The following HADH variants were observed in gnomAD, a reference collection of about 807,000 sequenced individuals.
HADH encodes hydroxyacyl-coenzyme A dehydrogenase, mitochondrial.
HADH carries 24 observed loss-of-function variants against 32.2 expected under a neutral mutation model. The observed-to-expected ratio is 0.75, with a 90% CI of 0.54 to 1.05. The LOEUF is 1.05. Ranked by LOEUF, HADH falls within the 50% of genes least tolerant of loss-of-function variation. The pLI is 0.00. For synonymous variants in HADH, 139 were observed against 152.5 expected, an observed-to-expected ratio of 0.91 and a Z score of 0.65; for missense variants, 350 against 397.1, an observed-to-expected ratio of 0.88 and a Z score of 1.01.
chr4:108,014,349 C>A, intron 2 of HADH, 82 bp from the exon 3 acceptor site: 1 of 1,525,220 alleles, frequency 6.6e-7, no homozygotes, highest in Non-Finnish European at 9.1e-7. Context: ...ACCCAGTTTG[C>A]TAACTGGAGC....
At chr4:108,028,045 C>A (rs935432924) in intron 6 of HADH, 2 of 510,738 alleles carry the variant, frequency 3.9e-6, no homozygotes, top group Admixed American at 3.3e-5. Flanking sequence ...GATTGATATC[C>A]TGGATCTCTG....
At chr4:107,999,344 A>G (rs574792684) in intron 1 of HADH, among the ~76,000 whole-genome samples, 123 of 152,356 alleles carry the variant, frequency 8.1e-4, no homozygotes, top group African/African-American at 2.7e-3. Flanking sequence ...CAACTGCCCT[A>G]CATTTCCCCT....
chr4:108,003,489 C>G (rs1017815235), intron 1 of HADH, among the ~76,000 whole-genome samples: 1 of 152,138 alleles, frequency 6.6e-6, no homozygotes, highest in South Asian at 2.1e-4. Flanking sequence ...CCAGGAACTC[C>G]AACTATAGGC....
chr4:108,029,592 C>G (rs1256203729), intron 6 of HADH: 1 of 152,384 alleles, frequency 6.6e-6, no homozygotes, highest in Non-Finnish European at 1.5e-5. Context: ...CTGTACCCCA[C>G]TGTTGATACA....
intron 5 of HADH, chr4:108,025,389 C>T (rs961331365): frequency 6.6e-6 from 1 of 152,130 alleles, no homozygotes; most frequent in African/African-American, 2.4e-5. Context: ...TACTTAACCT[C>T]GCTGTGCCTC....
intron 1 of HADH, 70 bp downstream of exon 1, chr4:107,990,134 C>T: frequency 6.6e-7 from 1 of 1,512,756 alleles, no homozygotes; most frequent in Non-Finnish European, 8.9e-7. Flanking sequence ...TCTGGCGCGA[C>T]CGGCCGCGAG....
intron 6 of HADH, 194 bp from the exon 7 acceptor site, chr4:108,032,981 CA>C: frequency 4.4e-5 from 26 of 592,224 alleles, no homozygotes; most frequent in Admixed American, 5.4e-5. Context: ...GACTCTGTCT[CA>C]AAAAAAACAA....
In HADH at chr4:108,034,435, C is replaced by G; in HGVS notation, c.*78C>G. 2.4e-6 allele frequency: 2 copies of G among 825,164 alleles called. No homozygotes were observed. Among genetic ancestry groups the G allele is most frequent in the Non-Finnish European group, 4.3e-6 (2 of 460,442 alleles). 51.1% of individuals were successfully genotyped at this position (825,164 alleles called of 1,614,324 possible). ...TGCCCCGAGTGCCTGTGGGAATGCT[C>G]TTTGGTCAGACATTCCCTCACACAG... On this transcript the variant is annotated 3_prime_UTR_variant, in exon 8 of 8. Coordinates refer to ENST00000309522, the MANE Select transcript of HADH (RefSeq NM_005327.7).
intron 1 of HADH, chr4:108,004,664 G>C: frequency 6.6e-7 from 1 of 1,519,942 alleles, no homozygotes. Flanking sequence ...TCTGTCATAG[G>C]AAAGAGGTTG....
At chr4:108,031,450 G>T (rs1214392363) in intron 6 of HADH, 2 of 152,280 alleles carry the variant, frequency 1.3e-5, no homozygotes, top group East Asian at 3.9e-4. Flanking sequence ...CACAGAAGCT[G>T]CGGGGCTTCC....
chr4:108,014,951 C>T (rs1317432765), intron 3 of HADH, among the ~76,000 whole-genome samples: 1 of 152,162 alleles, frequency 6.6e-6, no homozygotes, highest in Non-Finnish European at 1.5e-5. Context: ...CATGTTGCTT[C>T]AAAAGACATG....
chr4:108,004,991 G>C (rs969295688), intron 1 of HADH: 2 of 1,103,734 alleles, frequency 1.8e-6, no homozygotes, highest in Admixed American at 2.1e-5. Flanking sequence ...TGATAATACT[G>C]TATTCAGTTT....
In HADH at chr4:108,033,271, A is replaced by G. The variant is rs1736341112; in HGVS notation, c.805A>G (p.Thr269Ala). The G allele has an allele frequency of 3.2e-6, 5 of 1,575,602 alleles. No individual in the cohort carries two copies. The highest frequency in any genetic ancestry group is 4.4e-6 in the Non-Finnish European group (5 of 1,145,028). The change falls in exon 7 of 8, where the codon ACT becomes GCT. Residue 269 changes from threonine to alanine, a missense_variant. Coordinates refer to ENST00000309522, the MANE Select transcript of HADH (RefSeq NM_005327.7). ...FELLDYVGLD[T>A]TKFIVDGWHE... ...GCTTCTAGATTATGTCGGACTGGAT[A>G]CTACGAAGTTCATCGTGGATGGTAG...
chr4:107,995,464 C>A, intron 1 of HADH, among the ~76,000 whole-genome samples: 1 of 152,170 alleles, frequency 6.6e-6, no homozygotes. Context: ...CTTAGATTGT[C>A]TTCACTGTCG....
chr4:108,008,340 G>A (rs1560727648), intron 1 of HADH, among the ~76,000 whole-genome samples: 2 of 152,124 alleles, frequency 1.3e-5, no homozygotes, highest in Admixed American at 6.5e-5. Flanking sequence ...GTTCCCAGAC[G>A]GTGCTGATGC....
At chr4:108,027,944 C>T (rs1474538792) in intron 6 of HADH, 184 bp downstream of exon 6, 2 of 637,094 alleles carry the variant, frequency 3.1e-6, no homozygotes, top group East Asian at 2.7e-5. Flanking sequence ...CCCAGGGCCT[C>T]CTGGCTTCCC....
chr4:108,012,421 C>G lies in HADH; in HGVS notation c.262-2010C>G, dbSNP rs182104929. On this transcript the variant is annotated intron_variant, in intron 2 of 7. Coordinates refer to ENST00000309522, the MANE Select transcript of HADH (RefSeq NM_005327.7). ...ACTTTCTGCAGAAAGGGTACACTCG[C>G]CAGCATTTTTGCCACAAGAGTACAC... 1.8e-3 allele frequency among the ~76,000 whole-genome samples: 272 copies of G among 152,302 alleles called. 1 individual carries two copies. The highest frequency in any genetic ancestry group is 5.6e-3 in the African/African-American group (232 of 41,554).
intron 6 of HADH, chr4:108,032,636 T>C (rs747116602): frequency 5.0e-6 from 2 of 401,024 alleles, no homozygotes; most frequent in Non-Finnish European, 4.6e-6. Context: ...GAGACTTCTG[T>C]CTCCATGAAC....
At position 108,009,824 on chromosome 4, in the gene HADH, C is replaced by CA. The variant is rs1402140155; in HGVS notation, c.203dup (p.Ile70AsnfsTer2). Reference sequence around the variant, plus strand: ...AGACAGAGGACATCCTGGCAAAATCCAAAAAGGGAATTGAGGAAAGCCTTA... The same window carrying CA: ...AGACAGAGGACATCCTGGCAAAATCCAAAAAAGGGAATTGAGGAAAGCCTTA... On this transcript the variant is annotated frameshift_variant, in exon 2 of 8. Transcript: ENST00000309522. LOFTEE classifies it high-confidence loss of function. 6.2e-7 allele frequency: 1 copy of CA among 1,611,604 alleles called. No individual in the cohort carries two copies. Among genetic ancestry groups the CA allele is most frequent in the Admixed American group, 1.7e-5 (1 of 59,998 alleles).
Sources: gnomAD v4.1 joint callset for allele counts (sites outside exome capture counted in the v4.1 genomes callset) on GRCh38, gnomAD v4.1.1 for gene constraint, MANE v1.5 for transcripts, NCBI Gene and HGNC (gene_info 2026-07-23, HGNC 2026-07-21) for gene names.